Variants in CWH43 observed in about 807,000 individuals in gnomAD.
The protein encoded by CWH43 is PGAP2-interacting protein.
CWH43 carries 91 observed loss-of-function variants against 85.7 expected under a neutral mutation model. That is an observed-to-expected ratio of 1.06 (90% CI 0.90 to 1.26). The LOEUF is 1.26. Ranked by LOEUF, CWH43 falls within the 50% of genes most tolerant of loss-of-function variation. The probability of loss-of-function intolerance (pLI) is 0.00; values close to 1 mark genes in which losing one functional copy is unlikely to be tolerated. For synonymous variants in CWH43, 323 were observed against 293.6 expected (o/e 1.10, Z -1.02); for missense variants, 869 against 839.2 (o/e 1.04, Z -0.44).
intron 13 of CWH43, among the ~76,000 whole-genome samples, chr4:49,042,201 G>T (rs1419925009): frequency 7.9e-5 from 12 of 152,222 alleles, no homozygotes; most frequent in Admixed American, 5.2e-4. Context: ...AGTCACAGGT[G>T]GCAAATTGGT....
At chr4:49,017,102 T>C in intron 8 of CWH43, 147 bp from the exon 9 acceptor site, 1 of 752,088 alleles carries the variant, frequency 1.3e-6, no homozygotes, top group Non-Finnish European at 2.4e-6. Context: ...AGACTCTTCT[T>C]CCACCCATTC....
intron 13 of CWH43, among the ~76,000 whole-genome samples, chr4:49,044,156 T>A (rs565867307): frequency 1.3e-5 from 2 of 152,292 alleles, no homozygotes; most frequent in African/African-American, 4.8e-5. Context: ...CAACACATGA[T>A]AGAAAAGAAT....
chr4:49,032,313 C>A (rs1431819070), intron 11 of CWH43, among the ~76,000 whole-genome samples: 1 of 152,152 alleles, frequency 6.6e-6, no homozygotes, highest in Non-Finnish European at 1.5e-5. Context: ...ACTAATGCTG[C>A]CCTTTTCATG....
Position 49,038,068 on chromosome 4 carries a change from C to T in CWH43, c.1691C>T (p.Ala564Val). The T allele has an allele frequency of 6.2e-7, 1 of 1,611,690 alleles. No homozygotes were observed. The highest frequency in any genetic ancestry group is 1.1e-5 in the South Asian group (1 of 90,358). Residue 564 changes from alanine to valine, a missense_variant, in exon 13 of 16, where the codon GCT becomes GTT. Around this residue, in one of 3 missense-constraint regions of CWH43, gnomAD observed 577 missense variants for 513.1 expected, o/e 1.12. Transcript: ENST00000226432. ...CTCGACAGGAAACTGCAGGCTATTG[C>T]TGTTTCAAAACTACTGAAAAGTAGC... ...DDLDRKLQAI[A>V]VSKLLKSSSN...
intron 13 of CWH43, among the ~76,000 whole-genome samples, chr4:49,039,319 A>AC (rs1560509055): frequency 0.011 from 330 of 30,790 alleles, 70 homozygotes; most frequent in Admixed American, 0.042. Context: ...ATATATATAT[A>AC]TATATATATA....
chr4:49,029,410 C>T (rs776444253), intron 10 of CWH43, among the ~76,000 whole-genome samples: 7 of 152,204 alleles, frequency 4.6e-5, no homozygotes, highest in Non-Finnish European at 7.3e-5. Flanking sequence ...GCCACAGGGG[C>T]CTCTGCCCAA....
chr4:49,027,125 T>C (rs1034196432), intron 9 of CWH43, among the ~76,000 whole-genome samples: 15 of 152,244 alleles, frequency 9.9e-5, no homozygotes. Flanking sequence ...TGAGAACGGA[T>C]GCAAGGAGAT....
chr4:49,006,354 A>G (rs1783158202), intron 7 of CWH43, among the ~76,000 whole-genome samples: 1 of 152,198 alleles, frequency 6.6e-6, no homozygotes, highest in South Asian at 2.1e-4. Flanking sequence ...AATAAGAGTG[A>G]TGTTATTTGA....
intron 6 of CWH43, among the ~76,000 whole-genome samples, chr4:49,002,179 A>T (rs1021786990): frequency 4.6e-5 from 7 of 152,100 alleles, no homozygotes; most frequent in Non-Finnish European, 1.0e-4. Flanking sequence ...TTGACATAAG[A>T]GTTGTGTTGC....
At chr4:49,060,580 GTATC>G (rs1206292729) in intron 15 of CWH43, among the ~76,000 whole-genome samples, 2 of 152,170 alleles carry the variant, frequency 1.3e-5, no homozygotes, top group African/African-American at 4.8e-5. Context: ...TATGCAGAGA[GTATC>G]TATCTCTCTA....
chr4:48,990,095 G>A (rs1782611244), intron 2 of CWH43, among the ~76,000 whole-genome samples: 1 of 152,128 alleles, frequency 6.6e-6, no homozygotes, highest in Admixed American at 6.6e-5. Context: ...TAGTTACTGG[G>A]ACAGTTTCCA....
chr4:48,996,433 G>A (rs1303760662), intron 5 of CWH43, among the ~76,000 whole-genome samples: 2 of 152,072 alleles, frequency 1.3e-5, no homozygotes, highest in Non-Finnish European at 2.9e-5. Context: ...GCAGGGAATG[G>A]GAAAAGGAAT....
At position 48,991,600 on chromosome 4, in the gene CWH43, T is replaced by C. The variant is rs199722887; in HGVS notation, c.356+26T>C. On this transcript the variant is annotated intron_variant, in intron 3 of 15. Transcript: ENST00000226432. Reference sequence around the variant, plus strand: ...GTATGGTTAATGTTTCATGTACTTATAGACAAACAAGTATAACCAGTTACC... The same window carrying C: ...GTATGGTTAATGTTTCATGTACTTACAGACAAACAAGTATAACCAGTTACC... 57 of 1,611,566 alleles carry C rather than the reference T, an allele frequency of 3.5e-5. No individual in the cohort carries two copies. In the East Asian group the frequency reaches 4.0e-4, roughly 11 times the overall value.
chr4:49,011,880 A>G (rs1054122796), intron 8 of CWH43, among the ~76,000 whole-genome samples: 6 of 152,322 alleles, frequency 3.9e-5, no homozygotes, highest in African/African-American at 1.4e-4. Flanking sequence ...GGGTAACCCA[A>G]CATTTCTCTC....
chr4:49,017,992 T>G (rs796240142), intron 9 of CWH43, among the ~76,000 whole-genome samples: 1 of 151,962 alleles, frequency 6.6e-6, no homozygotes, highest in African/African-American at 2.4e-5. Context: ...TGTGCCACCA[T>G]GCCCGGCTAA....
chr4:49,015,306 G>A (rs938130561), intron 8 of CWH43, among the ~76,000 whole-genome samples: 2 of 146,866 alleles, frequency 1.4e-5, no homozygotes, highest in African/African-American at 5.0e-5. Flanking sequence ...CCTCTTTCTA[G>A]TTTGGAAATT....
chr4:49,041,511 GA>G (rs1441146085), intron 13 of CWH43, among the ~76,000 whole-genome samples: 1 of 152,164 alleles, frequency 6.6e-6, no homozygotes. Flanking sequence ...AAGCAATTGT[GA>G]ATGGGAGTTC....
intron 8 of CWH43, among the ~76,000 whole-genome samples, chr4:49,009,927 T>C (rs926672732): frequency 1.1e-4 from 17 of 152,226 alleles, no homozygotes; most frequent in African/African-American, 3.8e-4. Context: ...GGATATTGGT[T>C]TAAAGTTCTC....
At chr4:49,045,622 T>A (rs574025252) in intron 14 of CWH43, among the ~76,000 whole-genome samples, 14 of 152,272 alleles carry the variant, frequency 9.2e-5, no homozygotes, top group Non-Finnish European at 1.8e-4. Flanking sequence ...CCATATAGCT[T>A]AGGTGTGTAG....
Sources: gnomAD v4.1 joint callset for allele counts (sites outside exome capture counted in the v4.1 genomes callset) on GRCh38, gnomAD v4.1.1 for gene constraint, gnomAD v4.1.1 regional missense constraint, MANE v1.5 for transcripts, NCBI Gene and HGNC (gene_info 2026-07-23, HGNC 2026-07-21) for gene names.